Variants in SLC35A3 observed in about 807,000 individuals in gnomAD.
SLC35A3 encodes UDP-N-acetylglucosamine transporter.
In SLC35A3, 26 loss-of-function variants were observed where a neutral mutation model predicts 39.0. The observed-to-expected ratio is 0.67, with a 90% CI of 0.49 to 0.92. The LOEUF (loss-of-function observed/expected upper bound fraction) is 0.92, where lower values mean the gene tolerates loss of function less well. Among genes scored for constraint, SLC35A3 ranks in the 40% least tolerant of loss-of-function variants. SLC35A3 has a pLI of 0.00. For missense variants in SLC35A3, 299 were observed against 371.6 expected (o/e 0.80, Z 1.61); for synonymous variants, 135 against 133.1 (o/e 1.01, Z -0.10).
Position 99,993,654 on chromosome 1 carries a change from G to A in SLC35A3, c.100G>A (p.Gly34Arg). 1 of 1,613,928 alleles carries A rather than the reference G, an allele frequency of 6.2e-7. No individual in the cohort carries two copies. Among genetic ancestry groups the A allele is most frequent in the Non-Finnish European group, 8.5e-7 (1 of 1,179,926 alleles). ...MRYSRTLKEE[G>R]PRYLSSTAVV... The stretch of plus-strand genomic sequence containing the variant: ...TTATTCCAGAACTTTAAAAGAAGAA[G>A]GACCTCGTTATCTATCTTCTACAGC... Residue 34 changes from glycine to arginine, a missense_variant, in exon 2 of 8, where the codon GGA becomes AGA. Gly to Arg is a moderately radical substitution (Grantham distance 125, BLOSUM62 -2). Coordinates refer to ENST00000533028, the MANE Select transcript of SLC35A3 (RefSeq NM_012243.3).
intron 1 of SLC35A3, among the ~76,000 whole-genome samples, chr1:99,981,512 C>T (rs1214842197): frequency 6.6e-6 from 1 of 151,982 alleles, no homozygotes; most frequent in Non-Finnish European, 1.5e-5. Context: ...CAGAGTCTTG[C>T]TCTGTTGCCC....
intron 2 of SLC35A3, among the ~76,000 whole-genome samples, chr1:99,995,104 T>TTTTCTTTCTTTC (rs58899984): frequency 0.021 from 2,424 of 113,416 alleles, 52 homozygotes; most frequent in African/African-American, 0.027. Flanking sequence ...TTTTTGTGTA[T>TTTTCTTTCTTTC]TTTCTTTCTT....
chr1:100,013,445 C>CAAA (rs59892113), intron 5 of SLC35A3, among the ~76,000 whole-genome samples: 3 of 59,540 alleles, frequency 5.0e-5, no homozygotes, highest in Non-Finnish European at 1.2e-4. Context: ...AAACTCTGTA[C>CAAA]AAAAAAAAAA....
At chr1:99,983,427 T>A (rs1256007753) in intron 1 of SLC35A3, among the ~76,000 whole-genome samples, 1 of 151,020 alleles carries the variant, frequency 6.6e-6, no homozygotes, top group Non-Finnish European at 1.5e-5. Flanking sequence ...TAATCCCAGC[T>A]ACTCAGGAGG....
intron 6 of SLC35A3, 120 bp downstream of exon 6, chr1:100,015,540 A>T: frequency 9.3e-7 from 1 of 1,078,696 alleles, no homozygotes; most frequent in Non-Finnish European, 1.2e-6. Flanking sequence ...GTGCTCTCGT[A>T]TCTAGTTTAT....
chr1:99,994,270 CT>C (rs1474964565), intron 2 of SLC35A3, among the ~76,000 whole-genome samples: 1 of 152,058 alleles, frequency 6.6e-6, no homozygotes, highest in Admixed American at 6.6e-5. Flanking sequence ...GCCATCTTAA[CT>C]ATTTGTAGTG....
intron 1 of SLC35A3, among the ~76,000 whole-genome samples, chr1:99,976,938 C>T (rs1373120120): frequency 1.3e-5 from 2 of 151,974 alleles, no homozygotes; most frequent in Non-Finnish European, 2.9e-5. Flanking sequence ...AACAAACGTG[C>T]ATACCTACCC....
intron 2 of SLC35A3, among the ~76,000 whole-genome samples, chr1:99,998,653 T>G (rs1658560545): frequency 6.6e-6 from 1 of 152,142 alleles, no homozygotes; most frequent in South Asian, 2.1e-4. Context: ...AAAAGTGTAA[T>G]AAAATGAAGC....
intron 4 of SLC35A3, among the ~76,000 whole-genome samples, 166 bp from the exon 5 acceptor site, chr1:100,011,199 G>GA (rs1223275122): frequency 2.6e-5 from 4 of 152,006 alleles, no homozygotes; most frequent in Admixed American, 1.3e-4. Context: ...TCACTGTGAG[G>GA]AAAAAAATCA....
At chr1:99,987,103 A>G (rs535363404) in intron 1 of SLC35A3, among the ~76,000 whole-genome samples, 2 of 152,338 alleles carry the variant, frequency 1.3e-5, no homozygotes, top group Admixed American at 1.3e-4. Flanking sequence ...GGAATTTTAC[A>G]ATAGCATGTA....
chr1:99,974,990 C>T lies in SLC35A3; in HGVS notation c.-19+4828C>T, dbSNP rs541531430. On this transcript the variant is annotated intron_variant, in intron 1 of 7. Coordinates refer to ENST00000533028, the MANE Select transcript of SLC35A3 (RefSeq NM_012243.3). Reference sequence around the variant, plus strand: ...AGACAGGGTCTCACTGTCACCTTGGCTGGAGTACAGAGGCGCAATCTCAGC... The same window carrying T: ...AGACAGGGTCTCACTGTCACCTTGGTTGGAGTACAGAGGCGCAATCTCAGC... The T allele has an allele frequency of 2.9e-4, 44 of 151,672 alleles. 1 individual carries two copies. Among genetic ancestry groups the T allele is most frequent in the African/African-American group, 1.0e-3 (43 of 41,296 alleles). The allele number at this position is 151,672 out of a possible 1,614,324, so 9.4% of individuals were successfully genotyped here.
At chr1:100,011,723 T>A (rs1659660755) in intron 5 of SLC35A3, among the ~76,000 whole-genome samples, 190 bp downstream of exon 5, 1 of 142,416 alleles carries the variant, frequency 7.0e-6, no homozygotes. Flanking sequence ...TATTTATTTA[T>A]TTATTTATTT....
chr1:99,996,182 A>G (rs1170182922), intron 2 of SLC35A3, among the ~76,000 whole-genome samples: 1 of 152,224 alleles, frequency 6.6e-6, no homozygotes, highest in Non-Finnish European at 1.5e-5. Context: ...CAACATACAA[A>G]AGGTACAAAT....
chr1:100,026,523 T>G lies in SLC35A3; in HGVS notation c.*4047T>G, dbSNP rs1427786850. 3.9e-5 allele frequency: 6 copies of G among 152,310 alleles called. No individual in the cohort carries two copies. Among genetic ancestry groups the G allele is most frequent in the Middle Eastern group, 6.8e-3 (2 of 294 alleles). 9.4% of individuals were successfully genotyped at this position (152,310 alleles called of 1,614,324 possible). A position where few individuals can be genotyped will look rare whatever the true frequency, so the allele number is the denominator to read the frequency against. Reference sequence around the variant, plus strand: ...GGATTTTTAAGAATAAATACATTTCTATTTTTTTGGTTGTTTCAACATTAG... The same window carrying G: ...GGATTTTTAAGAATAAATACATTTCGATTTTTTTGGTTGTTTCAACATTAG... On this transcript the variant is annotated 3_prime_UTR_variant, in exon 8 of 8. Coordinates refer to ENST00000533028, the MANE Select transcript of SLC35A3 (RefSeq NM_012243.3).
In SLC35A3 at chr1:100,015,284, G is replaced by T. The variant is rs1449614823; in HGVS notation, c.635-18G>T. 6.3e-7 allele frequency: 1 copy of T among 1,585,320 alleles called. No individual in the cohort carries two copies. Among genetic ancestry groups the T allele is most frequent in the East Asian group, 2.3e-5 (1 of 43,816 alleles). ...GACAAACTAAACGATATATCATGTA[G>T]ACTTTACTTTTTTTTAGGTTTCTTT... On this transcript the variant is annotated intron_variant, in intron 5 of 7. Coordinates refer to ENST00000533028, the MANE Select transcript of SLC35A3 (RefSeq NM_012243.3).
chr1:99,998,570 T>G (rs1390702183), intron 2 of SLC35A3, among the ~76,000 whole-genome samples: 1 of 152,216 alleles, frequency 6.6e-6, no homozygotes, highest in African/African-American at 2.4e-5. Flanking sequence ...AGCTAGACAC[T>G]TTGGCACCCT....
At chr1:100,015,225 T>A (rs556528419) in intron 5 of SLC35A3, 77 bp from the exon 6 acceptor site, 2 of 1,304,592 alleles carry the variant, frequency 1.5e-6, no homozygotes, top group African/African-American at 1.5e-5. Flanking sequence ...TGTAAAATTA[T>A]TTGGAATGTC....
At chr1:100,013,857 C>T (rs1159322441) in intron 5 of SLC35A3, among the ~76,000 whole-genome samples, 1 of 152,070 alleles carries the variant, frequency 6.6e-6, no homozygotes, top group Non-Finnish European at 1.5e-5. Context: ...CTTTTCACTT[C>T]CTTTCTATTG....
intron 4 of SLC35A3, among the ~76,000 whole-genome samples, chr1:100,009,802 G>A (rs1203851212): frequency 6.6e-6 from 1 of 152,202 alleles, no homozygotes. Context: ...ATTTTTAATA[G>A]ATATAAAGGT....
Sources: gnomAD v4.1 joint callset for allele counts (sites outside exome capture counted in the v4.1 genomes callset) on GRCh38, gnomAD v4.1.1 for gene constraint, MANE v1.5 for transcripts, NCBI Gene and HGNC (gene_info 2026-07-23, HGNC 2026-07-21) for gene names.